Variants in CCDC30 observed in about 807,000 individuals in gnomAD.
CCDC30 encodes the protein coiled-coil domain-containing protein 30.
CCDC30 carries 70 observed loss-of-function variants against 100.2 expected under a neutral mutation model. That is an observed-to-expected ratio of 0.70 (90% confidence interval 0.58 to 0.85). CCDC30 has a LOEUF of 0.85. Among genes scored for constraint, CCDC30 ranks in the 40% least tolerant of loss-of-function variants. The pLI, the probability that CCDC30 is intolerant of heterozygous loss-of-function variation, is 0.00. For missense variants in CCDC30, 652 were observed against 771.2 expected, an observed-to-expected ratio of 0.85 and a Z score of 1.83; for synonymous variants, 233 against 269.5, an observed-to-expected ratio of 0.86 and a Z score of 1.33.
At chr1:42,496,520 G>T (rs1341188155) in intron 4 of CCDC30, among the ~76,000 whole-genome samples, 7 of 151,742 alleles carry the variant, frequency 4.6e-5, no homozygotes, top group African/African-American at 7.3e-5. Flanking sequence ...ATATTATTTT[G>T]GGACATGGTA....
chr1:42,599,959 A>T (rs373266376), intron 10 of CCDC30, among the ~76,000 whole-genome samples: 1 of 152,046 alleles, frequency 6.6e-6, no homozygotes, highest in East Asian at 1.9e-4. Flanking sequence ...CACATCTTAC[A>T]TGGCTGGAGA....
chr1:42,468,443 C>G (rs560853018), intron 1 of CCDC30, among the ~76,000 whole-genome samples: 78 of 152,300 alleles, frequency 5.1e-4, no homozygotes, highest in African/African-American at 1.8e-3. Flanking sequence ...TTTCTGGAAG[C>G]ACCACATAAT....
intron 1 of CCDC30, among the ~76,000 whole-genome samples, chr1:42,479,104 G>A (rs991807993): frequency 1.3e-4 from 20 of 152,102 alleles, no homozygotes; most frequent in African/African-American, 4.8e-4. Context: ...GGCTGGACGC[G>A]ATGTTTCGCA....
At chr1:42,513,988 G>A (rs575581956) in intron 6 of CCDC30, among the ~76,000 whole-genome samples, 6 of 152,120 alleles carry the variant, frequency 3.9e-5, no homozygotes, top group Admixed American at 6.5e-5. Context: ...CTGTGGGGAG[G>A]GTACTAAGCC....
At chr1:42,510,656 C>CA (rs112722955) in intron 6 of CCDC30, among the ~76,000 whole-genome samples, 32,580 of 124,150 alleles carry the variant, frequency 0.26, 4,415 homozygotes, top group Non-Finnish European at 0.34. Flanking sequence ...GACTCCGTTT[C>CA]AAAAAAAAAA....
In CCDC30 at chr1:42,546,418, A is replaced by ATGTATATATATACACG. The variant is rs1557843131; in HGVS notation, c.457-19877_457-19876insGTATATATATACACGT. Among the ~76,000 whole-genome samples, 13 of 8,176 alleles carry ATGTATATATATACACG rather than the reference A, an allele frequency of 1.6e-3. 1 individual carries two copies. The highest frequency in any genetic ancestry group is 4.3e-3 in the South Asian group (1 of 230). The allele number at this position is 8,176 out of a possible 152,430, so 5.4% of individuals were successfully genotyped here. A position where few individuals can be genotyped will look rare whatever the true frequency, so the allele number is the denominator to read the frequency against. ...AAAAAAAATATATATATATATATAT[A>ATGTATATATATACACG]TATATATATATATATATATATATAG... On this transcript the variant is annotated intron_variant, in intron 6 of 16. Transcript: ENST00000668663.
intron 11 of CCDC30, 49 bp from the exon 16 acceptor site, chr1:42,637,188 A>G (rs1381884539): frequency 6.7e-7 from 1 of 1,489,004 alleles, no homozygotes; most frequent in Admixed American, 2.4e-5. Flanking sequence ...GATGCAAAAT[A>G]AATTTTAACT....
intron 4 of CCDC30, among the ~76,000 whole-genome samples, chr1:42,493,172 G>A (rs948764576): frequency 1.3e-5 from 2 of 151,874 alleles, no homozygotes; most frequent in African/African-American, 4.8e-5. Flanking sequence ...AATAAGGTGA[G>A]CAGAATAAGA....
Position 42,653,288 on chromosome 1 carries a change from A to G in CCDC30, c.1855-88A>G, listed in dbSNP as rs1055220577. 4.2e-5 allele frequency: 26 copies of G among 623,048 alleles called. 1 individual carries two copies. The African/African-American group carries it at 4.2e-4, about 10-fold the overall frequency. The allele number at this position is 623,048 out of a possible 1,614,324, so 38.6% of individuals were successfully genotyped here. A position where few individuals can be genotyped will look rare whatever the true frequency, so the allele number is the denominator to read the frequency against. The stretch of plus-strand genomic sequence containing the variant: ...TGTTTGTACTATGTGCAGGTATTGT[A>G]TCTATTATATATATATTTTTTTCTA... On this transcript the variant is annotated intron_variant, in intron 15 of 16. Transcript: ENST00000668663.
intron 6 of CCDC30, among the ~76,000 whole-genome samples, chr1:42,512,884 A>G (rs1171279944): frequency 2.6e-5 from 4 of 151,998 alleles, no homozygotes; most frequent in African/African-American, 9.7e-5. Context: ...AGTACACCTC[A>G]CCCCTGTGTC....
chr1:42,479,337 T>C (rs1022967095), intron 1 of CCDC30, among the ~76,000 whole-genome samples: 4 of 151,782 alleles, frequency 2.6e-5, no homozygotes, highest in East Asian at 1.9e-4. Flanking sequence ...GGTTGCACCA[T>C]TGCATTCCAG....
chr1:42,601,167 G>T (rs760794207), intron 10 of CCDC30, among the ~76,000 whole-genome samples: 2 of 152,128 alleles, frequency 1.3e-5, no homozygotes, highest in Non-Finnish European at 2.9e-5. Flanking sequence ...AGTCAAAGAA[G>T]AAATCGCAAG....
chr1:42,645,008 C>G (rs371873785), intron 14 of CCDC30, among the ~76,000 whole-genome samples: 21 of 152,276 alleles, frequency 1.4e-4, no homozygotes, highest in African/African-American at 4.6e-4. Flanking sequence ...TTTTAGTAAA[C>G]TATCTCCTCC....
chr1:42,582,191 C>T (rs2148593989), intron 9 of CCDC30, among the ~76,000 whole-genome samples: 1 of 152,200 alleles, frequency 6.6e-6, no homozygotes, highest in South Asian at 2.1e-4. Flanking sequence ...GATTGAAACA[C>T]TGCACTCTGG....
intron 6 of CCDC30, among the ~76,000 whole-genome samples, chr1:42,519,647 G>A (rs1388402894): frequency 6.6e-6 from 1 of 152,144 alleles, no homozygotes; most frequent in Non-Finnish European, 1.5e-5. Flanking sequence ...CACCTCCTGG[G>A]TTCAAGCAAT....
the CCDC30 span, chr1:42,456,850 C>T: frequency 6.2e-7 from 1 of 1,613,538 alleles, no homozygotes; most frequent in East Asian, 2.2e-5. Context: ...ATGCCCACCG[C>T]TTCCCACCCC....
At chr1:42,456,685 T>A in the CCDC30 span, 13 of 1,606,144 alleles carry the variant, frequency 8.1e-6, no homozygotes, top group African/African-American at 4.0e-5. Flanking sequence ...TGGTGTTGGT[T>A]ACGTCAGGCG....
chr1:42,533,644 C>T (rs892316014), intron 6 of CCDC30, among the ~76,000 whole-genome samples: 3 of 152,240 alleles, frequency 2.0e-5, no homozygotes, highest in African/African-American at 7.2e-5. Context: ...GCACTGAGCA[C>T]ATAAACCGCT....
Position 42,545,396 on chromosome 1 carries a change from AC to A in CCDC30, c.457-20899del. 6.5e-7 allele frequency: 1 copy of A among 1,548,272 alleles called. No homozygotes were observed. The highest frequency in any genetic ancestry group is 8.7e-7 in the Non-Finnish European group (1 of 1,155,962). On this transcript the variant is annotated intron_variant, in intron 6 of 16. Transcript: ENST00000668663. ...ATGCAAAATAGAATATTTGTCTTTC[AC>A]TTAATTTTGCAGGTCTTGAAGCTTT... is the stretch of plus-strand genomic sequence containing the variant.
Sources: allele counts gnomAD v4.1 joint callset (sites outside exome capture counted in the v4.1 genomes callset), GRCh38; gene constraint gnomAD v4.1.1; transcripts MANE v1.5; gene names NCBI Gene and HGNC (gene_info 2026-07-23, HGNC 2026-07-21).